Variants in NR1D1 observed in about 807,000 individuals in gnomAD.
NR1D1 encodes Rev-ErbAalpha.
NR1D1 carries 17 observed loss-of-function variants against 51.1 expected under a neutral mutation model. The ratio of observed to expected loss-of-function variants is 0.33; its 90% confidence interval spans 0.23 to 0.50. The LOEUF is 0.50. Among genes scored for constraint, NR1D1 ranks in the 20% least tolerant of loss-of-function variants. NR1D1 has a pLI of 0.98. For synonymous variants in NR1D1, 341 were observed against 333.4 expected, an observed-to-expected ratio of 1.02 and a Z score of -0.25; for missense variants, 647 against 830.4, an observed-to-expected ratio of 0.78 and a Z score of 2.71.
At chr17:40,099,181 C>G (rs1987825757) in intron 1 of NR1D1, among the ~76,000 whole-genome samples, 1 of 152,136 alleles carries the variant, frequency 6.6e-6, no homozygotes, top group Non-Finnish European at 1.5e-5. Flanking sequence ...AACGAGGAAC[C>G]CCGGAACTCG....
rs201212427 is a variant in NR1D1 at position 40,096,684 on chromosome 17, G to A, written c.459+7C>T. 99 of 1,614,032 alleles carry A rather than the reference G, an allele frequency of 6.1e-5. No homozygotes were observed. The highest frequency in any genetic ancestry group is 1.1e-4 in the African/African-American group (8 of 74,950). ...CTGCCCCTGCCCTTACCCCCAGTCC[G>A]CCTCACCTTGCAGCCCTCGCAGGCG... On this transcript the variant is annotated splice_region_variant and intron_variant, in intron 3 of 7. Transcript: ENST00000246672.
intron 1 of NR1D1, among the ~76,000 whole-genome samples, chr17:40,099,009 T>G (rs939627015): frequency 2.2e-5 from 3 of 136,174 alleles, no homozygotes; most frequent in African/African-American, 5.3e-5. Context: ...GTTTTGGTGA[T>G]GGGGGAGGGG....
At position 40,097,337 on chromosome 17, in the gene NR1D1, T is replaced by C. The variant is rs1598403464; in HGVS notation, c.98A>G (p.Tyr33Cys). The C allele has an allele frequency of 1.2e-6, 2 of 1,614,024 alleles. No homozygotes were observed. Among genetic ancestry groups the C allele is most frequent in the Non-Finnish European group, 8.5e-7 (1 of 1,179,998 alleles). The change falls in exon 2 of 8, where the codon TAT (tyrosine) becomes TGT (cysteine). Residue 33 changes from tyrosine (Y) to cysteine (C), a missense_variant. Transcript: ENST00000246672. Reference protein sequence around the residue: ...SPSRTSPESLYSDNSNGSFQS... With the variant: ...SPSRTSPESLCSDNSNGSFQS... ...GAAGCTGCCATTGGAGTTGTCACTA[T>C]AGAGGGATTCAGGGCTGGTGCGGCT...
chr17:40,096,155 C>G, intron 4 of NR1D1, 68 bp from the exon 5 acceptor site: 1 of 1,563,470 alleles, frequency 6.4e-7, no homozygotes, highest in Non-Finnish European at 8.7e-7. Context: ...TCCTTCCTTC[C>G]TCCTGAAAGG....
Position 40,092,804 on chromosome 17 carries a change from C to T in NR1D1, c.*279G>A, listed in dbSNP as rs1037102093. The T allele has an allele frequency of 4.5e-6, 3 of 673,254 alleles. No homozygotes were observed. Among genetic ancestry groups the T allele is most frequent in the African/African-American group, 3.7e-5 (2 of 54,170 alleles). The allele number at this position is 673,254 out of a possible 1,614,324, so 41.7% of individuals were successfully genotyped here. A position where few individuals can be genotyped will look rare whatever the true frequency, so the allele number is the denominator to read the frequency against. ...CCACAGAAGCCAGCTCAGCTGTGAA[C>T]TATTGGATTTGAGACAGGAACAGAA... On this transcript the variant is annotated 3_prime_UTR_variant, in exon 8 of 8. Transcript: ENST00000246672.
rs12943586 is a variant in NR1D1 at position 40,093,969 on chromosome 17, G to A, written c.1588C>T (p.Leu530=). 1 of 1,614,046 alleles carries A rather than the reference G, an allele frequency of 6.2e-7. No individual in the cohort carries two copies. The highest frequency in any genetic ancestry group is 1.7e-5 in the Admixed American group (1 of 60,030). Residue 530 remains leucine (L), a synonymous_variant, in exon 7 of 8, where the codon CTG becomes TTG. Transcript: ENST00000246672. The surrounding 1 kb of genome is among the most constrained non-coding windows in gnomAD (Gnocchi z 5.9). ...CCCAGCTCCTCCTCGGTAAGCGCCAGGGAGTTGAGCTTCTCGCTGAAGTCG... is the reference window on the plus strand; with the variant it reads ...CCCAGCTCCTCCTCGGTAAGCGCCAAGGAGTTGAGCTTCTCGCTGAAGTCG... ...MFDFSEKLNS[L]ALTEEELGLF... is the part of the protein sequence containing the mutation.
rs1207958016 is a variant in NR1D1, at chr17:40,100,208, C to G, written c.-114G>C. On this transcript the variant is annotated 5_prime_UTR_variant, in exon 1 of 8. Transcript: ENST00000246672. Reference sequence around the variant, plus strand: ...TAAGGGCGGGGAGTGGACCCCGCGACTCACGATCAGGATCCGAAGCACCCT... The same window carrying G: ...TAAGGGCGGGGAGTGGACCCCGCGAGTCACGATCAGGATCCGAAGCACCCT... 1 of 823,606 alleles carries G rather than the reference C, an allele frequency of 1.2e-6. No individual in the cohort carries two copies. The highest frequency in any genetic ancestry group is 1.7e-5 in the African/African-American group (1 of 60,024). 51.0% of individuals were successfully genotyped at this position (823,606 alleles called of 1,614,324 possible).
chr17:40,094,152 G>T, intron 6 of NR1D1, 30 bp from the exon 7 acceptor site: 1 of 1,606,294 alleles, frequency 6.2e-7, no homozygotes, highest in Non-Finnish European at 8.5e-7. Context: ...GTCATCCTGG[G>T]TGTGGTGGGA....
At chr17:40,096,218 C>T (rs1317570882) in intron 4 of NR1D1, 131 bp from the exon 5 acceptor site, 3 of 1,386,864 alleles carry the variant, frequency 2.2e-6, no homozygotes, top group Admixed American at 2.4e-5. Flanking sequence ...CAGCAAGTCC[C>T]CACCCATCAA....
chr17:40,099,804 C>G, intron 1 of NR1D1, among the ~76,000 whole-genome samples: 1 of 152,274 alleles, frequency 6.6e-6, no homozygotes, highest in Non-Finnish European at 1.5e-5. Context: ...CCCGTACCTC[C>G]TCTCCATTTC....
At chr17:40,096,899 G>T in intron 2 of NR1D1, 120 bp from the exon 3 acceptor site, 1 of 1,213,518 alleles carries the variant, frequency 8.2e-7, no homozygotes. Context: ...CCAGTGTTGA[G>T]GGGCACTGGA....
Position 40,094,107 on chromosome 17 carries a change from A to G in NR1D1, c.1450T>C (p.Phe484Leu). 1 of 1,613,980 alleles carries G rather than the reference A, an allele frequency of 6.2e-7. No individual in the cohort carries two copies. ...TCCTTCACGTTGAACAACGAAGCAA[A>G]GCGCACCATCAGCACCTAGGAGGGA... ...AGTFEVLMVR[F>L]ASLFNVKDQT... Residue 484 changes from phenylalanine (F) to leucine (L), a missense_variant, in exon 7 of 8, where the codon TTT (phenylalanine) becomes CTT (leucine). Physicochemically the swap from Phe to Leu is conservative, Grantham distance 22. Coordinates refer to ENST00000246672, the MANE Select transcript of NR1D1 (RefSeq NM_021724.5).
rs755591773 is a variant in NR1D1 at position 40,095,125 on chromosome 17, G to A, written c.1249-5C>T. 1 of 1,599,020 alleles carries A rather than the reference G, an allele frequency of 6.3e-7. No homozygotes were observed. Among genetic ancestry groups the A allele is most frequent in the Non-Finnish European group, 8.5e-7 (1 of 1,169,936 alleles). On this transcript the variant is annotated splice_region_variant and splice_polypyrimidine_tract_variant and intron_variant, in intron 5 of 7. Coordinates refer to ENST00000246672, the MANE Select transcript of NR1D1 (RefSeq NM_021724.5). ...GTACATGTTCATAGGACATGCCTGG[G>A]GGAGGAAAAGATTGAAGGAGGGGAG... is the stretch of plus-strand genomic sequence containing the variant.
rs140719745 is a variant in NR1D1 at position 40,095,568 on chromosome 17, T to C, written c.1124A>G (p.His375Arg). The change falls in exon 5 of 8, where the codon CAC (histidine) becomes CGC (arginine). Residue 375 changes from histidine to arginine, a missense_variant. Transcript: ENST00000246672. Reference sequence around the variant, plus strand: ...GCTGTTGGACTGGTGGCAGCTGTGGTGTGCAGGGCCAGGAGGCCAGGTGGG... The same window carrying C: ...GCTGTTGGACTGGTGGCAGCTGTGGCGTGCAGGGCCAGGAGGCCAGGTGGG... ...YPPTWPPGPA[H>R]HSCHQSNSNG... The C allele has an allele frequency of 9.3e-6, 15 of 1,609,380 alleles. No homozygotes were observed. The highest frequency in any genetic ancestry group is 1.3e-5 in the Non-Finnish European group (15 of 1,177,486).
chr17:40,095,897 G>C lies in NR1D1; in HGVS notation c.795C>G (p.Gly265=). ...PPAPVPSPLV[G]FSQFPQQLTP... ...TCAGCTGTTGTGGAAACTGGGAGAA[G>C]CCCACCAGGGGTGAGGGGACCGGAG... The change falls in exon 5 of 8, where the codon GGC becomes GGG. Residue 265 remains glycine, a synonymous_variant. Transcript: ENST00000246672. 1.3e-6 allele frequency: 2 copies of C among 1,567,326 alleles called. No individual in the cohort carries two copies. Among genetic ancestry groups the C allele is most frequent in the Non-Finnish European group, 1.7e-6 (2 of 1,154,906 alleles).
In NR1D1 at chr17:40,096,709, G is replaced by A. The variant is rs200422984; in HGVS notation, c.441C>T (p.His147=). ...DVASGFHYGV[H]ACEGCKGFFR... is the part of the protein sequence containing the mutation. ...GCCTCACCTTGCAGCCCTCGCAGGC[G>A]TGCACACCGTAGTGGAAGCCCGAGG... is the stretch of plus-strand genomic sequence containing the variant. The change falls in exon 3 of 8, where the codon CAC becomes CAT. Residue 147 remains histidine, a synonymous_variant. Transcript: ENST00000246672. 26 of 1,614,034 alleles carry A rather than the reference G, an allele frequency of 1.6e-5. No homozygotes were observed. Among genetic ancestry groups the A allele is most frequent in the Admixed American group, 3.3e-5 (2 of 60,004 alleles).
At chr17:40,096,945 T>G in intron 2 of NR1D1, 120 bp downstream of exon 2, 1 of 1,217,522 alleles carries the variant, frequency 8.2e-7, no homozygotes, top group South Asian at 1.4e-5. Context: ...CTGGTGCCAC[T>G]CTAGGAGAAA....
In NR1D1 at chr17:40,093,571, TGTA is replaced by T. The variant is rs1303582726; in HGVS notation, c.1646-292_1646-290del. 1 of 928,278 alleles carries T rather than the reference TGTA, an allele frequency of 1.1e-6. No individual in the cohort carries two copies. The highest frequency in any genetic ancestry group is 1.7e-5 in the African/African-American group (1 of 59,770). The allele number at this position is 928,278 out of a possible 1,614,324, so 57.5% of individuals were successfully genotyped here. A position where few individuals can be genotyped will look rare whatever the true frequency, so the allele number is the denominator to read the frequency against. On this transcript the variant is annotated intron_variant, in intron 7 of 7. Transcript: ENST00000246672. The surrounding 1 kb of genome is among the most constrained non-coding windows in gnomAD (Gnocchi z 5.9). ...GGCCAGACTCCCTTGCTTTTTGCTGTGTAGTTCCCTCTGCCTGGGATGCCCTTC... is the reference window on the plus strand; with the variant it reads ...GGCCAGACTCCCTTGCTTTTTGCTGTGTTCCCTCTGCCTGGGATGCCCTTC...
chr17:40,094,684 G>T (rs1287931995), intron 6 of NR1D1, among the ~76,000 whole-genome samples: 1 of 152,198 alleles, frequency 6.6e-6, no homozygotes, highest in Admixed American at 6.5e-5. Flanking sequence ...GATCACCTGG[G>T]GTCAGGAGTT....
Sources: allele counts gnomAD v4.1 joint callset (sites outside exome capture counted in the v4.1 genomes callset), GRCh38; gene constraint gnomAD v4.1.1; non-coding constraint Gnocchi (gnomAD v3.1); transcripts MANE v1.5; gene names NCBI Gene and HGNC (gene_info 2026-07-23, HGNC 2026-07-21).